SKP1: variants seen among roughly 807,000 people sequenced by gnomAD.
SKP1 encodes the protein S-phase kinase associated protein 1, also known as S-phase kinase-associated protein 1.
Under a neutral mutation model 21.5 loss-of-function variants are expected in SKP1, and 1 was observed. That is an observed-to-expected ratio of 0.05 (90% confidence interval 0.02 to 0.22). SKP1 has a LOEUF of 0.22. SKP1 is among the 10% of genes least tolerant of loss of function. The pLI, the probability that SKP1 is intolerant of heterozygous loss-of-function variation, is 1.00. For synonymous variants in SKP1, 59 were observed against 59.3 expected, an observed-to-expected ratio of 0.99 and a Z score of 0.03; for missense variants, 70 against 192.0, an observed-to-expected ratio of 0.36 and a Z score of 3.76.
At chr5:134,165,278 CAG>C (rs757261507) in intron 3 of SKP1, among the ~76,000 whole-genome samples, 1 of 138,546 alleles carries the variant, frequency 7.2e-6, no homozygotes, top group Non-Finnish European at 1.5e-5. Context: ...ATTAGGAAAA[CAG>C]AGAAATGAAA....
chr5:134,168,551 T>C (rs1451971453), intron 2 of SKP1, among the ~76,000 whole-genome samples: 1 of 152,054 alleles, frequency 6.6e-6, no homozygotes, highest in East Asian at 1.9e-4. Flanking sequence ...TTAACAATAT[T>C]ATGGGTAAGG....
chr5:134,154,914 T>C lies in SKP1; in HGVS notation c.*2819A>G, dbSNP rs1761099532. On this transcript the variant is annotated 3_prime_UTR_variant, in exon 6 of 6. Coordinates refer to ENST00000353411, the MANE Select transcript of SKP1 (RefSeq NM_170679.3). ...TCAGCTATTATCAAGCTCTCCCCTC[T>C]CATGCATTAAAACTACTCTTCTTGT... 6.6e-6 allele frequency: 1 copy of C among 152,202 alleles called. No homozygotes were observed. Among genetic ancestry groups the C allele is most frequent in the Admixed American group, 6.5e-5 (1 of 15,282 alleles). The allele number at this position is 152,202 out of a possible 1,614,324, so 9.4% of individuals were successfully genotyped here. A position where few individuals can be genotyped will look rare whatever the true frequency, so the allele number is the denominator to read the frequency against.
intron 2 of SKP1, among the ~76,000 whole-genome samples, chr5:134,172,423 G>C (rs974323960): frequency 1.3e-5 from 2 of 152,132 alleles, no homozygotes; most frequent in Non-Finnish European, 2.9e-5. Flanking sequence ...ACACTGATTT[G>C]TATCACCCCA....
rs1260612229 is a variant in SKP1, at chr5:134,149,845, C to T, written c.*7888G>A. The T allele has an allele frequency of 2.1e-5, 3 of 145,912 alleles. No individual in the cohort carries two copies. The highest frequency in any genetic ancestry group is 4.4e-5 in the Non-Finnish European group (3 of 67,720). 9.0% of individuals were successfully genotyped at this position (145,912 alleles called of 1,614,324 possible). On this transcript the variant is annotated 3_prime_UTR_variant, in exon 6 of 6. Transcript: ENST00000353411. The stretch of plus-strand genomic sequence containing the variant: ...TTTGGCAACTCTGTTTAAATCAGAT[C>T]AGCTTTTTTTTTTTTTAATCTGACT...
chr5:134,168,374 C>T (rs1409744073), intron 2 of SKP1, among the ~76,000 whole-genome samples: 1 of 152,044 alleles, frequency 6.6e-6, no homozygotes, highest in African/African-American at 2.4e-5. Context: ...AAAATGCGCA[C>T]AAACACGCAC....
chr5:134,161,378 A>G, intron 3 of SKP1: 1 of 333,478 alleles, frequency 3.0e-6, no homozygotes, highest in East Asian at 4.6e-5. Context: ...AAAAGCTTCT[A>G]TGCAAAAAGA....
chr5:134,152,974 C>A lies in SKP1; in HGVS notation c.*4759G>T, dbSNP rs1192159146. 1 of 152,262 alleles carries A rather than the reference C, an allele frequency of 6.6e-6. No individual in the cohort carries two copies. The highest frequency in any genetic ancestry group is 6.5e-5 in the Admixed American group (1 of 15,286). The allele number at this position is 152,262 out of a possible 1,614,324, so 9.4% of individuals were successfully genotyped here. ...CTTCCTACCAAGGAGAAGCCAGGAG[C>A]TACACTTTAAGGATTCAGCCATTTT... On this transcript the variant is annotated 3_prime_UTR_variant, in exon 6 of 6. Transcript: ENST00000353411.
Position 134,154,938 on chromosome 5 carries a change from G to C in SKP1, c.*2795C>G, listed in dbSNP as rs1274562110. 8 of 152,068 alleles carry C rather than the reference G, an allele frequency of 5.3e-5. No individual in the cohort carries two copies. Among genetic ancestry groups the C allele is most frequent in the Admixed American group, 5.2e-4 (8 of 15,270 alleles). The allele number at this position is 152,068 out of a possible 1,614,324, so 9.4% of individuals were successfully genotyped here. ...CTCATGCATTAAAACTACTCTTCTT[G>C]TTTTCATTATGCCCTGTACCTGCAT... is the stretch of plus-strand genomic sequence containing the variant. On this transcript the variant is annotated 3_prime_UTR_variant, in exon 6 of 6. Coordinates refer to ENST00000353411, the MANE Select transcript of SKP1 (RefSeq NM_170679.3).
In SKP1 at chr5:134,154,092, A is replaced by C. The variant is rs1302607646; in HGVS notation, c.*3641T>G. 4 of 152,192 alleles carry C rather than the reference A, an allele frequency of 2.6e-5. No individual in the cohort carries two copies. Among genetic ancestry groups the C allele is most frequent in the Non-Finnish European group, 5.9e-5 (4 of 68,030 alleles). The allele number at this position is 152,192 out of a possible 1,614,324, so 9.4% of individuals were successfully genotyped here. On this transcript the variant is annotated 3_prime_UTR_variant, in exon 6 of 6. Coordinates refer to ENST00000353411, the MANE Select transcript of SKP1 (RefSeq NM_170679.3). Reference sequence around the variant, plus strand: ...TAAAGCAGTATCTATTTTGTATACCAAGAATAGATTAAGGCAAGCTAACAC... The same window carrying C: ...TAAAGCAGTATCTATTTTGTATACCCAGAATAGATTAAGGCAAGCTAACAC...
chr5:134,167,814 G>A (rs1044387164), intron 2 of SKP1, among the ~76,000 whole-genome samples: 2 of 152,116 alleles, frequency 1.3e-5, no homozygotes, highest in Non-Finnish European at 2.9e-5. Flanking sequence ...GTGAGCCACC[G>A]CGTCCAGCCA....
rs1761049242 is a variant in SKP1 at position 134,151,856 on chromosome 5, G to A, written c.*5877C>T. 1.5e-5 allele frequency: 5 copies of A among 327,624 alleles called. No individual in the cohort carries two copies. The highest frequency in any genetic ancestry group is 4.3e-5 in the African/African-American group (2 of 46,614). The allele number at this position is 327,624 out of a possible 1,614,324, so 20.3% of individuals were successfully genotyped here. A position where few individuals can be genotyped will look rare whatever the true frequency, so the allele number is the denominator to read the frequency against. ...CCATCTATCACTCAAACTATGTCCC[G>A]CATTGGAAGTGTGTCAAGCAAGAGC... On this transcript the variant is annotated 3_prime_UTR_variant, in exon 6 of 6. Transcript: ENST00000353411.
In SKP1 at chr5:134,149,001, G is replaced by A. The variant is rs987577894; in HGVS notation, c.*8732C>T. Reference sequence around the variant, plus strand: ...TTTTAGATTATTTGTATACATTTAGGGGGTACAAATGCAGCTGTGTTACAT... The same window carrying A: ...TTTTAGATTATTTGTATACATTTAGAGGGTACAAATGCAGCTGTGTTACAT... On this transcript the variant is annotated 3_prime_UTR_variant, in exon 6 of 6. Transcript: ENST00000353411. The A allele has an allele frequency of 6.6e-6, 1 of 152,166 alleles. No homozygotes were observed. The highest frequency in any genetic ancestry group is 1.9e-4 in the East Asian group (1 of 5,198). 9.4% of individuals were successfully genotyped at this position (152,166 alleles called of 1,614,324 possible).
chr5:134,158,666 C>A (rs1422331937), intron 4 of SKP1, 71 bp from the exon 5 acceptor site: 2 of 1,241,360 alleles, frequency 1.6e-6, no homozygotes, highest in African/African-American at 3.0e-5. Flanking sequence ...TAATGATTGA[C>A]ACTCCGTATC....
At chr5:134,162,000 T>G (rs368645411) in intron 3 of SKP1, 1 of 152,034 alleles carries the variant, frequency 6.6e-6, no homozygotes, top group Non-Finnish European at 1.5e-5. Flanking sequence ...TAGCAAAATG[T>G]TGGAGGAGTA....
At chr5:134,164,994 A>G (rs536834843) in intron 3 of SKP1, among the ~76,000 whole-genome samples, 2 of 151,024 alleles carry the variant, frequency 1.3e-5, no homozygotes, top group East Asian at 2.0e-4. Flanking sequence ...CTAAATTCAG[A>G]TACAGAAAGT....
intron 3 of SKP1, among the ~76,000 whole-genome samples, chr5:134,162,467 G>A (rs779510056): frequency 6.6e-6 from 1 of 152,110 alleles, no homozygotes; most frequent in Admixed American, 6.5e-5. Flanking sequence ...GTGCAATGGC[G>A]CTATCTTGGC....
rs1580921258 is a variant in SKP1, at chr5:134,150,579, T to C, written c.*7154A>G. 1 of 152,182 alleles carries C rather than the reference T, an allele frequency of 6.6e-6. No homozygotes were observed. The highest frequency in any genetic ancestry group is 1.9e-4 in the East Asian group (1 of 5,194). 9.4% of individuals were successfully genotyped at this position (152,182 alleles called of 1,614,324 possible). On this transcript the variant is annotated 3_prime_UTR_variant, in exon 6 of 6. Coordinates refer to ENST00000353411, the MANE Select transcript of SKP1 (RefSeq NM_170679.3). The stretch of plus-strand genomic sequence containing the variant: ...ATAAAAAGGCTAAGTTGGCTTTTCT[T>C]TGAGGTTCTTTGAGAGTCCTTAACT...
chr5:134,171,621 AGCTC>A (rs1761441389), intron 2 of SKP1, among the ~76,000 whole-genome samples: 2 of 152,216 alleles, frequency 1.3e-5, no homozygotes, highest in Admixed American at 6.6e-5. Flanking sequence ...ACCCATTTTC[AGCTC>A]TACCAACTAC....
At position 134,151,593 on chromosome 5, in the gene SKP1, A is replaced by G. The variant is rs1347475480; in HGVS notation, c.*6140T>C. 1 of 448,402 alleles carries G rather than the reference A, an allele frequency of 2.2e-6. No individual in the cohort carries two copies. The highest frequency in any genetic ancestry group is 4.5e-6 in the Non-Finnish European group (1 of 222,538). The allele number at this position is 448,402 out of a possible 1,614,324, so 27.8% of individuals were successfully genotyped here. On this transcript the variant is annotated 3_prime_UTR_variant, in exon 6 of 6. Transcript: ENST00000353411. ...AGTGTGCAATAAGAGGCTGCTATAT[A>G]GCAGGTTGAAAATTTGAAGTTAAGA...
Sources: allele counts gnomAD v4.1 joint callset (sites outside exome capture counted in the v4.1 genomes callset), GRCh38; gene constraint gnomAD v4.1.1; transcripts MANE v1.5; gene names NCBI Gene and HGNC (gene_info 2026-07-23, HGNC 2026-07-21).